The following BRD4 variants were observed in gnomAD, a reference collection of about 807,000 sequenced individuals.
BRD4 encodes the protein bromodomain-containing protein 4.
In BRD4, 16 loss-of-function variants were observed where a neutral mutation model predicts 142.1. The ratio of observed to expected loss-of-function variants is 0.11; its 90% CI spans 0.08 to 0.17. The LOEUF (loss-of-function observed/expected upper bound fraction) is 0.17. Ranked by LOEUF, BRD4 falls within the 10% of genes least tolerant of loss-of-function variation. The pLI is 1.00. For synonymous variants in BRD4, 833 were observed against 707.5 expected, an observed-to-expected ratio of 1.18 and a Z score of -2.82; for missense variants, 1,424 against 1,810.9, an observed-to-expected ratio of 0.79 and a Z score of 3.88.
intron 2 of BRD4, among the ~76,000 whole-genome samples, chr19:15,270,345 C>T (rs999115080): frequency 2.6e-5 from 4 of 152,176 alleles, no homozygotes; most frequent in East Asian, 1.9e-4. Flanking sequence ...GGTTTTGGCA[C>T]AGCTCATGGA....
chr19:15,322,867 CAAAAAA>C (rs71333367), intron 1 of BRD4, among the ~76,000 whole-genome samples: 5 of 65,502 alleles, frequency 7.6e-5, no homozygotes, highest in South Asian at 5.3e-4. Flanking sequence ...ACTCTGTCTC[CAAAAAA>C]AAAAAAAAAA....
At chr19:15,306,435 C>T (rs574242588) in intron 1 of BRD4, among the ~76,000 whole-genome samples, 1 of 152,132 alleles carries the variant, frequency 6.6e-6, no homozygotes, top group South Asian at 2.1e-4. Context: ...TGCCTGGCTA[C>T]TTTTTCCATT....
intron 7 of BRD4, among the ~76,000 whole-genome samples, chr19:15,262,428 T>A (rs1599460601): frequency 6.8e-6 from 1 of 146,328 alleles, no homozygotes; most frequent in Non-Finnish European, 1.5e-5. Context: ...AGAAGATGAG[T>A]CTCTAATCCC....
At chr19:15,245,502 C>T (rs1305789437) in intron 11 of BRD4, among the ~76,000 whole-genome samples, 8 of 152,146 alleles carry the variant, frequency 5.3e-5, no homozygotes, top group African/African-American at 1.9e-4. Context: ...AGGCAGCATA[C>T]GCCCCCACTC....
intron 1 of BRD4, among the ~76,000 whole-genome samples, chr19:15,279,395 A>G (rs758360684): frequency 4.6e-5 from 7 of 152,228 alleles, no homozygotes; most frequent in Non-Finnish European, 1.0e-4. Context: ...ACTTTCTGCA[A>G]TGATGGAGTC....
At position 15,239,042 on chromosome 19, in the gene BRD4, C is replaced by A. The variant is rs1268478022; in HGVS notation, c.3782+17G>T. 3.2e-6 allele frequency: 5 copies of A among 1,581,342 alleles called. No individual in the cohort carries two copies. The highest frequency in any genetic ancestry group is 4.3e-6 in the Non-Finnish European group (5 of 1,167,470). On this transcript the variant is annotated intron_variant, in intron 18 of 19. Transcript: ENST00000679869. The surrounding 1 kb of genome is among the most constrained non-coding windows in gnomAD (Gnocchi z 7.4). ...TGGCCCCAAGAGTCCCCATGCCCCACCCAGACACCCGCCCACCTCATGCGC... is the reference window on the plus strand; with the variant it reads ...TGGCCCCAAGAGTCCCCATGCCCCAACCAGACACCCGCCCACCTCATGCGC...
chr19:15,254,291 G>A (rs1412309328), intron 10 of BRD4, 29 bp from the exon 11 acceptor site: 1 of 1,594,632 alleles, frequency 6.3e-7, no homozygotes, highest in South Asian at 1.1e-5. Flanking sequence ...GAGCTGGTCA[G>A]GCAGGGCTGT....
At chr19:15,323,469 C>T (rs1388593703) in intron 1 of BRD4, among the ~76,000 whole-genome samples, 1 of 152,106 alleles carries the variant, frequency 6.6e-6, no homozygotes, top group Non-Finnish European at 1.5e-5. Flanking sequence ...AATATGTTTC[C>T]TCAAACAGCA....
chr19:15,251,450 GGGGGGC>G (rs71170403), intron 11 of BRD4, among the ~76,000 whole-genome samples: 20 of 106,634 alleles, frequency 1.9e-4, no homozygotes, highest in African/African-American at 6.0e-4. Flanking sequence ...GGGGGGGGGG[GGGGGGC>G]GGGGGCGCGG....
intron 3 of BRD4, among the ~76,000 whole-genome samples, chr19:15,268,521 A>C (rs1360914059): frequency 6.6e-6 from 1 of 152,140 alleles, no homozygotes; most frequent in Non-Finnish European, 1.5e-5. Context: ...ACCTCTGCAC[A>C]ACTACATTTT....
In BRD4 at chr19:15,256,083, T is replaced by C; in HGVS notation, c.1732A>G (p.Ser578Gly). 5.0e-6 allele frequency: 8 copies of C among 1,611,812 alleles called. No homozygotes were observed. Among genetic ancestry groups the C allele is most frequent in the Non-Finnish European group, 6.8e-6 (8 of 1,179,902 alleles). The change falls in exon 9 of 20, where the codon AGC becomes GGC. Residue 578 changes from serine to glycine, a missense_variant. Around this residue, in one of 16 missense-constraint regions of BRD4, gnomAD observed 86 missense variants for 78.9 expected, o/e 1.09. Coordinates refer to ENST00000679869, the MANE Select transcript of BRD4 (RefSeq NM_001379291.1). ...PPPKKTKKNNSSNSNVSKKEP... is the reference protein window; with the variant it reads ...PPPKKTKKNNGSNSNVSKKEP... ...ACAGACCTCACATTGCTGTTGCTGC[T>C]ATTATTTTTCTTCGTCTTTTTAGGA...
In BRD4 at chr19:15,314,647, A is replaced by G. The variant is rs528670554; in HGVS notation, c.-35+17643T>C. Among the ~76,000 whole-genome samples, 3 of 152,296 alleles carry G rather than the reference A, an allele frequency of 2.0e-5. No homozygotes were observed. In the South Asian group the frequency reaches 6.2e-4, roughly 32 times the overall value. On this transcript the variant is annotated intron_variant, in intron 1 of 19. Transcript: ENST00000679869. ...CCATGAGGATGTCGACAAGCTCCAC[A>G]TGGTCAAGGAACTAAAGTGACCCCA... is the stretch of plus-strand genomic sequence containing the variant.
chr19:15,257,988 C>A (rs921096825), intron 7 of BRD4, among the ~76,000 whole-genome samples: 2 of 152,178 alleles, frequency 1.3e-5, no homozygotes, highest in Admixed American at 1.3e-4. Context: ...ATACTGCCAG[C>A]CAGCTGTCAA....
chr19:15,240,068 G>A (rs1214963711), intron 14 of BRD4, 46 bp from the exon 15 acceptor site: 2 of 1,561,686 alleles, frequency 1.3e-6, no homozygotes, highest in Non-Finnish European at 1.7e-6. Flanking sequence ...GCTTAGAACT[G>A]CTGGCCCTGA....
intron 1 of BRD4, among the ~76,000 whole-genome samples, chr19:15,278,408 T>G (rs1020297426): frequency 1.3e-5 from 2 of 151,778 alleles, no homozygotes; most frequent in Non-Finnish European, 2.9e-5. Context: ...TGGTGGCGCA[T>G]GCTTGTAATC....
chr19:15,263,613 A>G, intron 6 of BRD4, 65 bp from the exon 7 acceptor site: 1 of 1,596,124 alleles, frequency 6.3e-7, no homozygotes, highest in South Asian at 1.1e-5. Flanking sequence ...AGTGGCTGGC[A>G]GCAGACGAAA....
chr19:15,326,501 T>A (rs985710327), intron 1 of BRD4, among the ~76,000 whole-genome samples: 8 of 151,850 alleles, frequency 5.3e-5, no homozygotes, highest in African/African-American at 1.7e-4. Context: ...AAATAAAAAT[T>A]AAAATTAAAA....
At chr19:15,258,636 TG>T (rs1187972035) in intron 7 of BRD4, among the ~76,000 whole-genome samples, 2 of 152,126 alleles carry the variant, frequency 1.3e-5, no homozygotes, top group African/African-American at 2.4e-5. Flanking sequence ...GATAGGGCCT[TG>T]CTCTGTTGCC....
At chr19:15,264,791 G>A in intron 5 of BRD4, 25 bp from the exon 6 acceptor site, 1 of 1,576,914 alleles carries the variant, frequency 6.3e-7, no homozygotes, top group Non-Finnish European at 8.6e-7. Flanking sequence ...GACGCCAACA[G>A]GCACAGTCAG....
Sources: gnomAD v4.1 joint callset for allele counts (sites outside exome capture counted in the v4.1 genomes callset) on GRCh38, gnomAD v4.1.1 for gene constraint, gnomAD v4.1.1 regional missense constraint, Gnocchi (gnomAD v3.1) non-coding constraint, MANE v1.5 for transcripts, NCBI Gene and HGNC (gene_info 2026-07-23, HGNC 2026-07-21) for gene names.